The following USP43 variants were observed in gnomAD, a reference collection of about 807,000 sequenced individuals.
The protein encoded by USP43 is ubiquitin specific peptidase 43.
USP43 carries 33 observed loss-of-function variants against 90.7 expected under a neutral mutation model. The ratio of observed to expected loss-of-function variants is 0.36; its 90% CI spans 0.28 to 0.49. USP43 has a LOEUF of 0.49. Ranked by LOEUF, USP43 falls within the 20% of genes least tolerant of loss-of-function variation. The pLI, the probability that USP43 is intolerant of heterozygous loss-of-function variation, is 0.98. For missense variants in USP43, 1,274 were observed against 1,476.4 expected, an observed-to-expected ratio of 0.86 and a Z score of 2.25; for synonymous variants, 598 against 615.8, an observed-to-expected ratio of 0.97 and a Z score of 0.43.
intron 14 of USP43, among the ~76,000 whole-genome samples, chr17:9,726,182 G>T (rs1258150024): frequency 6.6e-6 from 1 of 152,100 alleles, no homozygotes; most frequent in Non-Finnish European, 1.5e-5. Context: ...AGGGGTGCTT[G>T]GTCGATGTGC....
chr17:9,718,045 C>T (rs1916699010), intron 14 of USP43, among the ~76,000 whole-genome samples: 1 of 152,072 alleles, frequency 6.6e-6, no homozygotes, highest in Non-Finnish European at 1.5e-5. Flanking sequence ...ATCTGCCCAC[C>T]TCGGCCTCCC....
chr17:9,646,232 T>C (rs1280115719), intron 1 of USP43, 96 bp downstream of exon 1: 2 of 1,343,802 alleles, frequency 1.5e-6, no homozygotes, highest in African/African-American at 3.1e-5. Context: ...GGGGCCTTCT[T>C]TAAATGCCGT....
Position 9,701,671 on chromosome 17 carries a change from A to G in USP43, c.1982A>G (p.His661Arg). The G allele has an allele frequency of 1.3e-6, 2 of 1,577,406 alleles. No individual in the cohort carries two copies. The highest frequency in any genetic ancestry group is 1.2e-5 in the South Asian group (1 of 85,572). Residue 661 changes from histidine to arginine, a missense_variant, in exon 12 of 15, where the codon CAT (histidine) becomes CGT (arginine). By Grantham distance (29) the His-to-Arg change is conservative (BLOSUM62 0). Coordinates refer to ENST00000285199, the MANE Select transcript of USP43 (RefSeq NM_153210.5). This position sits in a 1 kb window ranked among gnomAD's most constrained non-coding sequence, Gnocchi z 7.2. Reference sequence around the variant, plus strand: ...GACCTGTATGCCGTCTGCAACCACCATGGCAACCTGCAAGGTGGGCATTAC... The same window carrying G: ...GACCTGTATGCCGTCTGCAACCACCGTGGCAACCTGCAAGGTGGGCATTAC... ...LYDLYAVCNH[H>R]GNLQGGHYTA... is the part of the protein sequence containing the mutation.
At chr17:9,711,933 T>C (rs937610697) in intron 13 of USP43, 35 bp from the exon 14 acceptor site, 1 of 1,550,270 alleles carries the variant, frequency 6.5e-7, no homozygotes, top group Non-Finnish European at 8.7e-7. Context: ...GTGCTGGGGT[T>C]GGGCTCAGCC....
At chr17:9,707,044 C>T (rs1915924894) in intron 12 of USP43, among the ~76,000 whole-genome samples, 1 of 152,118 alleles carries the variant, frequency 6.6e-6, no homozygotes. Flanking sequence ...TACATAAATG[C>T]TATCATACCA....
chr17:9,671,373 AC>A (rs1485071984), intron 3 of USP43, among the ~76,000 whole-genome samples: 1 of 152,156 alleles, frequency 6.6e-6, no homozygotes, highest in Admixed American at 6.5e-5. Context: ...CTTCCTCAGA[AC>A]AGATCTTGGA....
chr17:9,681,857 C>T (rs1597846118), intron 6 of USP43, among the ~76,000 whole-genome samples: 1 of 152,204 alleles, frequency 6.6e-6, no homozygotes, highest in East Asian at 1.9e-4. Flanking sequence ...ATTCCTACGC[C>T]CTGGCCCCAC....
At chr17:9,716,196 A>G (rs1264911054) in intron 14 of USP43, among the ~76,000 whole-genome samples, 1 of 151,824 alleles carries the variant, frequency 6.6e-6, no homozygotes. Context: ...TTAGTTCCTT[A>G]TTTCTTGTTA....
At chr17:9,668,830 A>G (rs1241556265) in intron 3 of USP43, among the ~76,000 whole-genome samples, 1 of 151,492 alleles carries the variant, frequency 6.6e-6, no homozygotes, top group Non-Finnish European at 1.5e-5. Context: ...CTTGTAGGGC[A>G]TCTGTCTTAT....
chr17:9,695,333 A>C (rs1198112239), intron 9 of USP43, among the ~76,000 whole-genome samples: 1 of 152,094 alleles, frequency 6.6e-6, no homozygotes, highest in Non-Finnish European at 1.5e-5. Context: ...TACATAGAAC[A>C]TAAAATTACT....
chr17:9,700,329 C>A (rs1332309451), intron 10 of USP43, 80 bp downstream of exon 10: 2 of 1,391,208 alleles, frequency 1.4e-6, no homozygotes, highest in Non-Finnish European at 2.0e-6. Context: ...GCAGCTTCCC[C>A]CAGCACGGCT....
intron 2 of USP43, among the ~76,000 whole-genome samples, chr17:9,665,378 G>A (rs1912968715): frequency 1.3e-5 from 2 of 152,186 alleles, no homozygotes. Context: ...GACTGGGGAG[G>A]CCTCAGGAAA....
At chr17:9,652,234 A>AAAAAAAAAAAAAAAAAAAAAAG (rs61023073) in intron 1 of USP43, among the ~76,000 whole-genome samples, 1 of 149,682 alleles carries the variant, frequency 6.7e-6, no homozygotes. Context: ...AAAAAAGAAA[A>AAAAAAAAAAAAAAAAAAAAAAG]GAAAAGAAAG....
intron 4 of USP43, among the ~76,000 whole-genome samples, chr17:9,675,726 A>G (rs909412891): frequency 4.6e-5 from 7 of 152,180 alleles, no homozygotes; most frequent in Non-Finnish European, 8.8e-5. Context: ...TGGCAACTCA[A>G]TCTCCCTTTC....
chr17:9,708,435 T>C (rs1035000379), intron 12 of USP43, among the ~76,000 whole-genome samples: 1 of 152,108 alleles, frequency 6.6e-6, no homozygotes, highest in Non-Finnish European at 1.5e-5. Context: ...CTGGCTGAGA[T>C]GTTGGTGTTG....
At chr17:9,645,467 C>CGCGGG (rs1353728020), upstream of USP43, 6 of 579,274 alleles carry the variant, frequency 1.0e-5, no homozygotes, top group East Asian at 5.6e-5. The surrounding 1 kb of genome is among the most constrained non-coding windows in gnomAD (Gnocchi z 6.8). Context: ...CGGATTCCCG[C>CGCGGG]GCGGGGCGGG....
Position 9,681,097 on chromosome 17 carries a change from C to CATATACTATATAATATATACTATATAAT in USP43, c.1105+791_1105+818dup, listed in dbSNP as rs60162853. Among the ~76,000 whole-genome samples, 59 of 71,192 alleles carry CATATACTATATAATATATACTATATAAT rather than the reference C, an allele frequency of 8.3e-4. 3 individuals carry two copies. The highest frequency in any genetic ancestry group is 1.1e-3 in the Non-Finnish European group (45 of 40,368). 46.7% of individuals were successfully genotyped at this position (71,192 alleles called of 152,430 possible). On this transcript the variant is annotated intron_variant, in intron 6 of 14. Transcript: ENST00000285199. Reference sequence around the variant, plus strand: ...ATATCATATATAATATAATATATGACATATACTATATAATATATACTATAT... The same window carrying CATATACTATATAATATATACTATATAAT: ...ATATCATATATAATATAATATATGACATATACTATATAATATATACTATATAATATATACTATATAATATATACTATAT...
At chr17:9,660,456 C>G (rs1912566044) in intron 2 of USP43, among the ~76,000 whole-genome samples, 1 of 152,124 alleles carries the variant, frequency 6.6e-6, no homozygotes, top group Non-Finnish European at 1.5e-5. Context: ...ACCAATAATT[C>G]TTTTTAACAA....
intron 14 of USP43, among the ~76,000 whole-genome samples, chr17:9,719,870 C>T (rs1006913048): frequency 6.6e-6 from 1 of 152,036 alleles, no homozygotes; most frequent in Non-Finnish European, 1.5e-5. Flanking sequence ...AGCCCGAGAC[C>T]AGCCTGGTCC....
Sources: allele counts gnomAD v4.1 joint callset (sites outside exome capture counted in the v4.1 genomes callset), GRCh38; gene constraint gnomAD v4.1.1; non-coding constraint Gnocchi (gnomAD v3.1); transcripts MANE v1.5; gene names NCBI Gene and HGNC (gene_info 2026-07-23, HGNC 2026-07-21).